The following CGGBP1 variants were observed in gnomAD, a reference collection of about 807,000 sequenced individuals.
The protein encoded by CGGBP1 is CGG triplet repeat-binding protein 1.
In CGGBP1, 4 loss-of-function variants were observed where a neutral mutation model predicts 11.4. That is an observed-to-expected ratio of 0.35 (90% confidence interval 0.17 to 0.80). CGGBP1 has a LOEUF of 0.80. Among genes scored for constraint, CGGBP1 ranks in the 30% least tolerant of loss-of-function variants. The pLI is 0.52. For synonymous variants in CGGBP1, 76 were observed against 74.1 expected, an observed-to-expected ratio of 1.03 and a Z score of -0.13; for missense variants, 135 against 202.1, an observed-to-expected ratio of 0.67 and a Z score of 2.01.
At chr3:88,123,954 C>T (rs1576326356) in intron 2 of CGGBP1, among the ~76,000 whole-genome samples, 1 of 152,168 alleles carries the variant, frequency 6.6e-6, no homozygotes, top group East Asian at 1.9e-4. Flanking sequence ...ACCCATGAAG[C>T]TGTTCCCAAG....
intron 2 of CGGBP1, among the ~76,000 whole-genome samples, chr3:88,102,373 A>G (rs962082586): frequency 6.6e-6 from 1 of 152,142 alleles, no homozygotes; most frequent in African/African-American, 2.4e-5. Flanking sequence ...TTTATTTTAA[A>G]TAGTTTTCTA....
intron 2 of CGGBP1, among the ~76,000 whole-genome samples, chr3:88,131,742 CT>C (rs1244450803): frequency 7.2e-5 from 11 of 152,080 alleles, no homozygotes; most frequent in Middle Eastern, 3.4e-3. Context: ...TTATGATGGC[CT>C]ACCCTCTTAT....
intron 2 of CGGBP1, among the ~76,000 whole-genome samples, chr3:88,068,977 T>C (rs1707352812): frequency 6.6e-6 from 1 of 152,148 alleles, no homozygotes; most frequent in Admixed American, 6.5e-5. Context: ...ATATTTGATA[T>C]ATACTGTAGC....
At chr3:88,148,923 G>C (rs1313315489) in intron 1 of CGGBP1, among the ~76,000 whole-genome samples, 1 of 152,172 alleles carries the variant, frequency 6.6e-6, no homozygotes, top group Non-Finnish European at 1.5e-5. Flanking sequence ...TTACAGGCGT[G>C]AGCCACCGCG....
intron 2 of CGGBP1, among the ~76,000 whole-genome samples, chr3:88,110,293 G>A (rs753112645): frequency 2.1e-4 from 32 of 152,078 alleles, no homozygotes; most frequent in Admixed American, 4.6e-4. Context: ...GGTCTGTAAA[G>A]GACCAGATAC....
At chr3:88,126,403 A>G in intron 2 of CGGBP1, 2 of 1,042,730 alleles carry the variant, frequency 1.9e-6, no homozygotes, top group Non-Finnish European at 2.5e-6. Flanking sequence ...TTTTCACATG[A>G]AAAGTGTTTG....
chr3:88,140,330 T>C (rs1559738073), intron 2 of CGGBP1: 1 of 1,613,726 alleles, frequency 6.2e-7, no homozygotes, highest in Non-Finnish European at 8.5e-7. Context: ...TTCTTTGGGA[T>C]GTTCAGACAG....
At chr3:88,111,132 A>AT (rs1156548422) in intron 2 of CGGBP1, among the ~76,000 whole-genome samples, 1 of 152,070 alleles carries the variant, frequency 6.6e-6, no homozygotes, top group Non-Finnish European at 1.5e-5. Flanking sequence ...GTGGAGGTCC[A>AT]TTAGATGTTT....
At chr3:88,144,891 G>A (rs1333003491) in intron 1 of CGGBP1, among the ~76,000 whole-genome samples, 1 of 151,880 alleles carries the variant, frequency 6.6e-6, no homozygotes, top group Non-Finnish European at 1.5e-5. Flanking sequence ...CTATATGGAG[G>A]AATAAAAGTT....
chr3:88,095,982 T>A (rs552893722), intron 2 of CGGBP1: 8 of 263,412 alleles, frequency 3.0e-5, no homozygotes, highest in Middle Eastern at 4.5e-4. Context: ...GTTGCACTGT[T>A]CTACCTGAAG....
chr3:88,097,575 A>G (rs369322309), intron 2 of CGGBP1, among the ~76,000 whole-genome samples: 1 of 152,086 alleles, frequency 6.6e-6, no homozygotes, highest in East Asian at 1.9e-4. Flanking sequence ...TGACCACATA[A>G]TTGGAAGTAA....
At chr3:88,079,589 C>T (rs1000870695) in intron 2 of CGGBP1, among the ~76,000 whole-genome samples, 12 of 151,964 alleles carry the variant, frequency 7.9e-5, no homozygotes, top group Admixed American at 4.6e-4. Context: ...CCATCAGTAA[C>T]AGTATTCATG....
chr3:88,148,802 G>A (rs1428481427), intron 1 of CGGBP1, among the ~76,000 whole-genome samples: 2 of 152,082 alleles, frequency 1.3e-5, no homozygotes, highest in African/African-American at 4.8e-5. Flanking sequence ...ACCATGCCAG[G>A]CTAATTTTTT....
intron 2 of CGGBP1, among the ~76,000 whole-genome samples, chr3:88,109,586 C>T (rs1704965381): frequency 6.6e-6 from 1 of 151,966 alleles, no homozygotes; most frequent in Non-Finnish European, 1.5e-5. Context: ...TAATATGCTA[C>T]AGAAATCCAA....
chr3:88,090,695 C>A (rs1708586224), intron 2 of CGGBP1, among the ~76,000 whole-genome samples: 1 of 152,138 alleles, frequency 6.6e-6, no homozygotes, highest in Non-Finnish European at 1.5e-5. Flanking sequence ...ATAACAACAT[C>A]ATTCTTGCAA....
intron 2 of CGGBP1, among the ~76,000 whole-genome samples, chr3:88,072,433 C>T (rs879934294): frequency 6.6e-6 from 1 of 152,098 alleles, no homozygotes; most frequent in Non-Finnish European, 1.5e-5. Flanking sequence ...ATAATCCTGC[C>T]CCATCTAGCT....
At chr3:88,118,323 C>G (rs937454611) in intron 2 of CGGBP1, among the ~76,000 whole-genome samples, 5 of 151,886 alleles carry the variant, frequency 3.3e-5, no homozygotes, top group African/African-American at 1.2e-4. Flanking sequence ...ATATCATGTC[C>G]CAAGCAGGAG....
intron 2 of CGGBP1, among the ~76,000 whole-genome samples, chr3:88,084,368 G>A (rs1216120914): frequency 1.3e-5 from 2 of 152,192 alleles, no homozygotes; most frequent in South Asian, 2.1e-4. Flanking sequence ...ACCGGAGTAG[G>A]GGTTTGGTAA....
chr3:88,073,566 T>A (rs1427087853), intron 2 of CGGBP1, among the ~76,000 whole-genome samples: 1 of 152,216 alleles, frequency 6.6e-6, no homozygotes, highest in African/African-American at 2.4e-5. Context: ...TATACTAAAG[T>A]ACTTAGCATT....
Sources: gnomAD v4.1 joint callset for allele counts (sites outside exome capture counted in the v4.1 genomes callset) on GRCh38, gnomAD v4.1.1 for gene constraint, MANE v1.5 for transcripts, NCBI Gene and HGNC (gene_info 2026-07-23, HGNC 2026-07-21) for gene names.